SLC41A3: variants seen among roughly 807,000 people sequenced by gnomAD.
SLC41A3 encodes SLC41A1-like 2.
SLC41A3 carries 44 observed loss-of-function variants against 45.4 expected under a neutral mutation model. The ratio of observed to expected loss-of-function variants is 0.97; its 90% CI spans 0.76 to 1.25. The LOEUF (loss-of-function observed/expected upper bound fraction) is 1.25, where lower values mean the gene tolerates loss of function less well. Among genes scored for constraint, SLC41A3 ranks in the 50% most tolerant of loss-of-function variants. SLC41A3 has a pLI of 0.00. For missense variants in SLC41A3, 550 were observed against 600.6 expected (o/e 0.92, Z 0.88); for synonymous variants, 256 against 252.4 (o/e 1.01, Z -0.13).
chr3:126,061,335 C>A (rs1944055962), intron 2 of SLC41A3, among the ~76,000 whole-genome samples: 2 of 152,198 alleles, frequency 1.3e-5, no homozygotes, highest in African/African-American at 2.4e-5. Context: ...GACTTGTCCA[C>A]CCCCTGCCAG....
At chr3:126,027,471 G>T (rs774033131) in intron 4 of SLC41A3, among the ~76,000 whole-genome samples, 11 of 152,124 alleles carry the variant, frequency 7.2e-5, no homozygotes, top group Non-Finnish European at 1.3e-4. Flanking sequence ...ATGCTGTACA[G>T]CCTGTGGAAC....
Position 126,026,382 on chromosome 3 carries a change from A to G in SLC41A3, c.551T>C (p.Leu184Pro), listed in dbSNP as rs1342013959. 1 of 1,580,222 alleles carries G rather than the reference A, an allele frequency of 6.3e-7. No individual in the cohort carries two copies. Among genetic ancestry groups the G allele is most frequent in the Admixed American group, 1.8e-5 (1 of 55,266 alleles). ...GGCAGTGAGGACACTGCTGGCACAC[A>G]GCAACTCCACCTTGGCGACATCCAC... ...EEVDVAKVEL[L>P]CASSVLTAFL... Residue 184 changes from leucine (L) to proline (P), a missense_variant, in exon 5 of 11, where the codon CTG becomes CCG. Transcript: ENST00000360370. The surrounding 1 kb of genome is among the most constrained non-coding windows in gnomAD (Gnocchi z 4.2).
At chr3:126,054,991 C>T (rs1393276408) in intron 2 of SLC41A3, among the ~76,000 whole-genome samples, 3 of 152,000 alleles carry the variant, frequency 2.0e-5, no homozygotes, top group Non-Finnish European at 4.4e-5. Flanking sequence ...ATGAGCGTCC[C>T]ATCAACTGAG....
In SLC41A3 at chr3:126,016,728, C is replaced by T. The variant is rs374671542; in HGVS notation, c.890+3G>A. On this transcript the variant is annotated splice_donor_region_variant and intron_variant, in intron 7 of 10. Coordinates refer to ENST00000360370, the MANE Select transcript of SLC41A3 (RefSeq NM_017836.4). ...AGGGGCCGTGGCCCTGGCTCCTGCTCACCTGCTGATGACCATGGCCAGGAT... is the reference window on the plus strand; with the variant it reads ...AGGGGCCGTGGCCCTGGCTCCTGCTTACCTGCTGATGACCATGGCCAGGAT... 17 of 1,605,870 alleles carry T rather than the reference C, an allele frequency of 1.1e-5. No homozygotes were observed. The South Asian group carries it at 1.3e-4, about 13-fold the overall frequency.
At chr3:126,066,543 T>C (rs1215826592) in intron 2 of SLC41A3, among the ~76,000 whole-genome samples, 1 of 152,074 alleles carries the variant, frequency 6.6e-6, no homozygotes, top group Non-Finnish European at 1.5e-5. Flanking sequence ...ATCAAAAAGG[T>C]TGAAAAAACC....
chr3:126,084,703 A>T (rs768803699), upstream of SLC41A3, among the ~76,000 whole-genome samples: 14 of 152,316 alleles, frequency 9.2e-5, 1 homozygote, highest in South Asian at 1.0e-3. Flanking sequence ...GGCAATTCCC[A>T]GTCCGGGCCT....
rs946340349 is a variant in SLC41A3, at chr3:126,026,840, G to A, written c.454-361C>T. Among the ~76,000 whole-genome samples, 1 of 152,166 alleles carries A rather than the reference G, an allele frequency of 6.6e-6. No individual in the cohort carries two copies. Among genetic ancestry groups the A allele is most frequent in the Admixed American group, 6.5e-5 (1 of 15,280 alleles). On this transcript the variant is annotated intron_variant, in intron 4 of 10. Transcript: ENST00000360370. This position sits in a 1 kb window ranked among gnomAD's most constrained non-coding sequence, Gnocchi z 4.2. ...GAAGTCCTCTGCAACTCCCGGCAGT[G>A]CAGACAACACACCTCACTTGCCATG... is the stretch of plus-strand genomic sequence containing the variant.
upstream of SLC41A3, chr3:126,084,492 G>C (rs1362770698): frequency 6.6e-6 from 1 of 152,216 alleles, no homozygotes; most frequent in Non-Finnish European, 1.5e-5. Context: ...AACTTCCCTT[G>C]GGACCCGCCT....
rs1352408125 is a variant in SLC41A3, at chr3:126,068,029, G to A, written c.191C>T (p.Ser64Phe). ...GGGCACGGTCACCTGAAGGCCTATG[G>A]ACCAGGTGGTCTCCCTGCTAGGCTC... ...ETEPSRETTW[S>F]IGLQVTVPFM... The change falls in exon 2 of 11, where the codon TCC becomes TTC. Residue 64 changes from serine (S) to phenylalanine (F), a missense_variant. Ser to Phe is a radical substitution (Grantham distance 155). Coordinates refer to ENST00000360370, the MANE Select transcript of SLC41A3 (RefSeq NM_017836.4). 6.2e-7 allele frequency: 1 copy of A among 1,613,936 alleles called. No homozygotes were observed. Among genetic ancestry groups the A allele is most frequent in the Non-Finnish European group, 8.5e-7 (1 of 1,179,970 alleles).
chr3:126,012,080 C>T (rs1160168834), intron 9 of SLC41A3, among the ~76,000 whole-genome samples: 4 of 152,202 alleles, frequency 2.6e-5, no homozygotes, highest in Admixed American at 2.6e-4. Context: ...CCATTCAGCT[C>T]AGGCCACATT....
intron 3 of SLC41A3, among the ~76,000 whole-genome samples, chr3:126,046,093 A>G (rs1002482190): frequency 6.6e-6 from 1 of 152,068 alleles, no homozygotes; most frequent in East Asian, 1.9e-4. Flanking sequence ...AAAGGAAACT[A>G]CCTCAACATA....
intron 1 of SLC41A3, among the ~76,000 whole-genome samples, chr3:126,100,247 C>T (rs56087565): frequency 0.085 from 12,923 of 152,158 alleles, 1,030 homozygotes; most frequent in African/African-American, 0.2. Flanking sequence ...CTCTTTTCCA[C>T]CTCCCTTAGG....
chr3:126,042,001 C>T (rs535315816), intron 3 of SLC41A3, among the ~76,000 whole-genome samples: 3 of 152,278 alleles, frequency 2.0e-5, no homozygotes, highest in South Asian at 2.1e-4. Context: ...GAGGAACCAC[C>T]TAATCCTAGA....
intron 1 of SLC41A3, among the ~76,000 whole-genome samples, chr3:126,094,677 T>C (rs1945558942): frequency 6.6e-6 from 1 of 152,228 alleles, no homozygotes; most frequent in Admixed American, 6.5e-5. Flanking sequence ...GCATTTATAA[T>C]TCCTGCAGTA....
intron 2 of SLC41A3, chr3:126,056,713 A>T (rs1943692569): frequency 7.0e-7 from 1 of 1,438,108 alleles, no homozygotes; most frequent in Non-Finnish European, 9.1e-7. Flanking sequence ...GTTCCCCAAC[A>T]GCCCCTCGGC....
intron 1 of SLC41A3, among the ~76,000 whole-genome samples, chr3:126,082,681 TGAG>T (rs1945221171): frequency 6.6e-6 from 1 of 152,210 alleles, no homozygotes; most frequent in Non-Finnish European, 1.5e-5. Context: ...TGTCACCCTG[TGAG>T]GTTGGCCTTG....
At chr3:126,082,280 A>T (rs1050608237) in intron 1 of SLC41A3, among the ~76,000 whole-genome samples, 22 of 152,230 alleles carry the variant, frequency 1.4e-4, no homozygotes, top group African/African-American at 4.8e-4. Flanking sequence ...CCAGAGCCCC[A>T]GGGAGGAGCC....
chr3:126,045,766 T>C (rs1430016935), intron 3 of SLC41A3, among the ~76,000 whole-genome samples: 1 of 151,870 alleles, frequency 6.6e-6, no homozygotes, highest in African/African-American at 2.4e-5. Context: ...ATTCATCCTA[T>C]GAAACAGTGT....
intron 1 of SLC41A3, among the ~76,000 whole-genome samples, chr3:126,095,911 T>C (rs1027480853): frequency 6.6e-6 from 1 of 152,196 alleles, no homozygotes; most frequent in Non-Finnish European, 1.5e-5. Context: ...AGAGTTCCTA[T>C]TATCTGGAAC....
Sources: allele counts gnomAD v4.1 joint callset (sites outside exome capture counted in the v4.1 genomes callset), GRCh38; gene constraint gnomAD v4.1.1; non-coding constraint Gnocchi (gnomAD v3.1); transcripts MANE v1.5; gene names NCBI Gene and HGNC (gene_info 2026-07-23, HGNC 2026-07-21).